The following ABCC9 variants were observed in gnomAD, a reference collection of about 807,000 sequenced individuals.
ABCC9 encodes ATP binding cassette subfamily C member 9, also known as ATP-binding cassette sub-family C member 9.
Under a neutral mutation model 188.3 loss-of-function variants are expected in ABCC9, and 95 were observed. The observed-to-expected ratio is 0.50, with a 90% CI of 0.43 to 0.60. The LOEUF (loss-of-function observed/expected upper bound fraction) is 0.60, where lower values mean the gene tolerates loss of function less well. Among genes scored for constraint, ABCC9 ranks in the 20% least tolerant of loss-of-function variants. The pLI is 0.00. For missense variants in ABCC9, 1,102 were observed against 1,876.3 expected, an observed-to-expected ratio of 0.59 and a Z score of 7.62; for synonymous variants, 659 against 652.7, an observed-to-expected ratio of 1.01 and a Z score of -0.15.
intron 37 of ABCC9, among the ~76,000 whole-genome samples, chr12:21,808,696 G>A (rs1227843035): frequency 6.7e-6 from 1 of 148,788 alleles, no homozygotes; most frequent in Admixed American, 6.8e-5. Flanking sequence ...TGACCCCAGG[G>A]ATTAGAGGGT....
intron 31 of ABCC9, among the ~76,000 whole-genome samples, chr12:21,820,248 A>G (rs909446462): frequency 1.3e-5 from 2 of 152,114 alleles, no homozygotes; most frequent in Non-Finnish European, 1.5e-5. Flanking sequence ...CTGGCTTGAC[A>G]TTAAAAAAAA....
chr12:21,838,569 G>C (rs1565722533), intron 29 of ABCC9, among the ~76,000 whole-genome samples: 2 of 152,112 alleles, frequency 1.3e-5, no homozygotes, highest in South Asian at 4.2e-4. Context: ...AAAATAACAA[G>C]AACAAGCACC....
intron 18 of ABCC9, among the ~76,000 whole-genome samples, chr12:21,872,040 G>A (rs2137577276): frequency 6.6e-6 from 1 of 152,298 alleles, no homozygotes; most frequent in East Asian, 1.9e-4. Flanking sequence ...ATATCTAGAA[G>A]AAACATCATG....
At chr12:21,823,910 G>A (rs1008665004) in intron 31 of ABCC9, among the ~76,000 whole-genome samples, 4 of 152,174 alleles carry the variant, frequency 2.6e-5, no homozygotes, top group Admixed American at 1.3e-4. Context: ...CTTTCTACCA[G>A]CCAAATTATT....
intron 14 of ABCC9, among the ~76,000 whole-genome samples, chr12:21,888,975 C>G (rs2137698625): frequency 6.6e-6 from 1 of 152,110 alleles, no homozygotes; most frequent in East Asian, 1.9e-4. Flanking sequence ...TGATAGGAAA[C>G]TAGAAAATAT....
chr12:21,824,187 G>A (rs1020111973), intron 31 of ABCC9, among the ~76,000 whole-genome samples: 3 of 152,098 alleles, frequency 2.0e-5, no homozygotes, highest in Admixed American at 6.5e-5. Flanking sequence ...TTTTTTGAGC[G>A]TTTTTAGCAT....
intron 7 of ABCC9, among the ~76,000 whole-genome samples, chr12:21,914,521 C>T (rs1415318253): frequency 4.6e-5 from 7 of 152,188 alleles, no homozygotes; most frequent in African/African-American, 1.7e-4. Context: ...AAATTTTAGT[C>T]ACTAATTAAT....
At chr12:21,861,078 T>C (rs1945481109) in intron 20 of ABCC9, 23 bp from the exon 21 acceptor site, 2 of 1,579,298 alleles carry the variant, frequency 1.3e-6, no homozygotes, top group African/African-American at 1.3e-5. Context: ...TGATTTTGAA[T>C]TTTTAGATCT....
intron 31 of ABCC9, among the ~76,000 whole-genome samples, chr12:21,826,641 A>G (rs1333453775): frequency 1.3e-5 from 2 of 152,156 alleles, no homozygotes; most frequent in Non-Finnish European, 2.9e-5. Context: ...CTGGTCTCAC[A>G]ATGGATCTCT....
intron 16 of ABCC9, among the ~76,000 whole-genome samples, chr12:21,881,854 A>G (rs1054372294): frequency 1.3e-5 from 2 of 152,214 alleles, no homozygotes; most frequent in Admixed American, 6.5e-5. Context: ...CTAAAATGGC[A>G]TGTCCACCTC....
rs1161435596 is a variant in ABCC9, at chr12:21,827,843, T to C, written c.3669+1115A>G. 6.6e-5 allele frequency among the ~76,000 whole-genome samples: 10 copies of C among 152,198 alleles called. No homozygotes were observed. In the East Asian group the frequency reaches 1.2e-3, roughly 18 times the overall value. On this transcript the variant is annotated intron_variant, in intron 31 of 39. Coordinates refer to ENST00000261200, the MANE Select transcript of ABCC9 (RefSeq NM_020297.4). ...AATAATTTCTACATAATGACTAATA[T>C]AGTTGAGGAGAATCTCTGTAAACCA... is the stretch of plus-strand genomic sequence containing the variant.
At chr12:21,910,509 TAC>T (rs904085431) in intron 9 of ABCC9, among the ~76,000 whole-genome samples, 197 bp from the exon 10 acceptor site, 2 of 151,934 alleles carry the variant, frequency 1.3e-5, no homozygotes, top group African/African-American at 4.8e-5. Flanking sequence ...CTTAACCAAA[TAC>T]AGACTTCCTT....
intron 23 of ABCC9, 51 bp from the exon 24 acceptor site, chr12:21,852,273 A>G (rs1356791523): frequency 6.2e-7 from 1 of 1,613,634 alleles, no homozygotes. Context: ...TTGATTGGCA[A>G]AATGAACTAC....
At chr12:21,855,838 C>T (rs1412997647) in intron 22 of ABCC9, among the ~76,000 whole-genome samples, 1 of 152,136 alleles carries the variant, frequency 6.6e-6, no homozygotes, top group African/African-American at 2.4e-5. Flanking sequence ...CACAGTGAGA[C>T]TTTAGCATCT....
In ABCC9 at chr12:21,868,044, A is replaced by G. The variant is rs147819780; in HGVS notation, c.2199-3567T>C. ...TTGTTTTTCAACAAATATGAAGCAC[A>G]CTTGGATGCAAGATTGATGTGCACA... On this transcript the variant is annotated intron_variant, in intron 18 of 39. Coordinates refer to ENST00000261200, the MANE Select transcript of ABCC9 (RefSeq NM_020297.4). 4.1e-3 allele frequency among the ~76,000 whole-genome samples: 624 copies of G among 152,342 alleles called. 1 individual carries two copies. Among genetic ancestry groups the G allele is most frequent in the African/African-American group, 0.015 (603 of 41,582 alleles).
chr12:21,837,372 C>T (rs1027996669), intron 30 of ABCC9, among the ~76,000 whole-genome samples: 6 of 152,016 alleles, frequency 3.9e-5, no homozygotes, highest in South Asian at 2.1e-4. Flanking sequence ...AAATAAATTT[C>T]GTAGGTTAGA....
At chr12:21,829,172 ATGATCAG>A in intron 30 of ABCC9, 112 bp from the exon 31 acceptor site, 1 of 544,682 alleles carries the variant, frequency 1.8e-6, no homozygotes, top group Non-Finnish European at 3.5e-6. Flanking sequence ...ATGGCATGGA[ATGATCAG>A]TAAATAGATT....
chr12:21,921,995 A>C (rs1948840036), intron 5 of ABCC9, among the ~76,000 whole-genome samples: 1 of 151,966 alleles, frequency 6.6e-6, no homozygotes, highest in African/African-American at 2.4e-5. Flanking sequence ...GAAATCAGGT[A>C]ATGTGATTCC....
intron 24 of ABCC9, among the ~76,000 whole-genome samples, chr12:21,848,624 C>T (rs2137417369): frequency 2.0e-5 from 3 of 152,266 alleles, no homozygotes. Context: ...CATGTTAATA[C>T]ATATCTTCCT....
Sources: gnomAD v4.1 joint callset for allele counts (sites outside exome capture counted in the v4.1 genomes callset) on GRCh38, gnomAD v4.1.1 for gene constraint, MANE v1.5 for transcripts, NCBI Gene and HGNC (gene_info 2026-07-23, HGNC 2026-07-21) for gene names.